The following MIDEAS variants were observed in gnomAD, a reference collection of about 807,000 sequenced individuals.
MIDEAS encodes mitotic deacetylase associated SANT domain protein, also known as mitotic deacetylase-associated SANT domain protein.
In MIDEAS, 26 loss-of-function variants were observed where a neutral mutation model predicts 102.7. The ratio of observed to expected loss-of-function variants is 0.25; its 90% confidence interval spans 0.19 to 0.35. MIDEAS has a LOEUF of 0.35. Ranked by LOEUF, MIDEAS falls within the 10% of genes least tolerant of loss-of-function variation. The pLI is 1.00. For synonymous variants in MIDEAS, 585 were observed against 591.0 expected (o/e 0.99, Z 0.15); for missense variants, 1,231 against 1,435.6 (o/e 0.86, Z 2.30).
chr14:73,788,229 T>C (rs2053837109), upstream of MIDEAS, among the ~76,000 whole-genome samples: 1 of 152,096 alleles, frequency 6.6e-6, no homozygotes, highest in Non-Finnish European at 1.5e-5. Context: ...CATTGTAGCT[T>C]GTCGTGGAAA....
intron 1 of MIDEAS, among the ~76,000 whole-genome samples, chr14:73,754,582 T>C (rs558643803): frequency 1.3e-5 from 2 of 152,128 alleles, no homozygotes; most frequent in African/African-American, 4.8e-5. Flanking sequence ...ACCTCAAGCA[T>C]CTCACCACCT....
chr14:73,751,019 CATT>C (rs1423472224), intron 1 of MIDEAS, among the ~76,000 whole-genome samples: 1 of 152,198 alleles, frequency 6.6e-6, no homozygotes, highest in Admixed American at 6.5e-5. Context: ...TAGATATTAT[CATT>C]ATTATTTTTG....
intron 1 of MIDEAS, among the ~76,000 whole-genome samples, chr14:73,780,434 C>T (rs2053744602): frequency 6.6e-6 from 1 of 152,248 alleles, no homozygotes; most frequent in Non-Finnish European, 1.5e-5. Context: ...ATAGCCGTAA[C>T]AGTAGTGACC....
At chr14:73,788,720 T>C (rs2053841678), upstream of MIDEAS, among the ~76,000 whole-genome samples, 1 of 152,204 alleles carries the variant, frequency 6.6e-6, no homozygotes, top group Non-Finnish European at 1.5e-5. Context: ...ATCACGCTAT[T>C]GTGGGGAGAT....
intron 1 of MIDEAS, among the ~76,000 whole-genome samples, chr14:73,746,541 G>A (rs1452368151): frequency 6.6e-6 from 1 of 152,168 alleles, no homozygotes; most frequent in Admixed American, 6.5e-5. Context: ...GACCGCTGGG[G>A]TCCTTGCTCT....
In MIDEAS at chr14:73,727,496, G is replaced by A. The variant is rs780725530; in HGVS notation, c.2124C>T (p.Leu708=). The A allele has an allele frequency of 1.2e-6, 2 of 1,613,686 alleles. No homozygotes were observed. The highest frequency in any genetic ancestry group is 2.2e-5 in the East Asian group (1 of 44,870). Residue 708 remains leucine, a synonymous_variant, in exon 5 of 13, where the codon CTC becomes CTT. Coordinates refer to ENST00000423556, the MANE Select transcript of MIDEAS (RefSeq NM_001367710.1). ...CTGGGGTGGCCTCCCCCATCACAGAGAGGACAGGCGGGGTTACTTCAGCAC... is the reference window on the plus strand; with the variant it reads ...CTGGGGTGGCCTCCCCCATCACAGAAAGGACAGGCGGGGTTACTTCAGCAC... The part of the protein sequence containing the change: ...TNSAEVTPPV[L]SVMGEATPVS...
Position 73,738,543 on chromosome 14 carries a change from C to G in MIDEAS, c.1449+17G>C, listed in dbSNP as rs754765976. The G allele has an allele frequency of 2.6e-6, 4 of 1,523,868 alleles. No homozygotes were observed. In the Admixed American group the frequency reaches 6.0e-5, roughly 23 times the overall value. 94.4% of individuals were successfully genotyped at this position (1,523,868 alleles called of 1,614,324 possible). A position where few individuals can be genotyped will look rare whatever the true frequency, so the allele number is the denominator to read the frequency against. On this transcript the variant is annotated intron_variant, in intron 2 of 12. Coordinates refer to ENST00000423556, the MANE Select transcript of MIDEAS (RefSeq NM_001367710.1). ...ATGCCCTCTGCCAGGTGTGGCTCCA[C>G]TGCATGCCACTCTCACCTTTGCATT...
upstream of MIDEAS, among the ~76,000 whole-genome samples, chr14:73,764,358 A>C (rs56087073): frequency 3.0e-5 from 4 of 133,220 alleles, no homozygotes; most frequent in African/African-American, 5.7e-5. Flanking sequence ...AAAAAAAAAA[A>C]AAAAACAAAA....
At chr14:73,768,408 A>C (rs2053609960) in intron 1 of MIDEAS, among the ~76,000 whole-genome samples, 1 of 152,128 alleles carries the variant, frequency 6.6e-6, no homozygotes, top group Non-Finnish European at 1.5e-5. Flanking sequence ...AAGTTTAATA[A>C]AATGAGGGAT....
At chr14:73,782,630 G>A (rs2053767441) in intron 1 of MIDEAS, among the ~76,000 whole-genome samples, 1 of 152,164 alleles carries the variant, frequency 6.6e-6, no homozygotes, top group South Asian at 2.1e-4. Context: ...GCACCTGGCT[G>A]TCTTCACAAG....
intron 1 of MIDEAS, among the ~76,000 whole-genome samples, chr14:73,775,976 A>C (rs1485852230): frequency 6.6e-6 from 1 of 151,942 alleles, no homozygotes; most frequent in African/African-American, 2.4e-5. Context: ...AACTGGAGAG[A>C]TCACCTGGGC....
At chr14:73,774,021 C>CAAA (rs11322935) in intron 1 of MIDEAS, among the ~76,000 whole-genome samples, 2 of 113,038 alleles carry the variant, frequency 1.8e-5, no homozygotes, top group Non-Finnish European at 1.8e-5. Context: ...GACTGAATCT[C>CAAA]AAAAAAAAAA....
At chr14:73,782,191 C>T (rs538106682) in intron 1 of MIDEAS, among the ~76,000 whole-genome samples, 23 of 152,288 alleles carry the variant, frequency 1.5e-4, no homozygotes, top group African/African-American at 5.5e-4. Flanking sequence ...AGCATGAGGA[C>T]TGGCTAAAGG....
At chr14:73,764,375 A>C (rs1332414399), upstream of MIDEAS, among the ~76,000 whole-genome samples, 1 of 150,426 alleles carries the variant, frequency 6.6e-6, no homozygotes, top group Non-Finnish European at 1.5e-5. Context: ...AAAACAAAAC[A>C]AAAAAAAACC....
intron 4 of MIDEAS, chr14:73,728,748 C>G (rs35443530): frequency 1.3e-5 from 2 of 152,390 alleles, no homozygotes; most frequent in South Asian, 4.1e-4. Context: ...GCCTTACGCC[C>G]GAGTGTTCGG....
chr14:73,718,881 C>CCTG lies in MIDEAS; in HGVS notation c.3259_3261dup (p.Gln1087dup). On this transcript the variant is annotated inframe_insertion, in exon 13 of 13. Transcript: ENST00000423556. Reference sequence around the variant, plus strand: ...CCCGCACCGCTCTCCTCCCGCAGGGCCTGCTGGTGGGCGGCGGCGGCGGCA... The same window carrying CCTG: ...CCCGCACCGCTCTCCTCCCGCAGGGCCTGCTGCTGGTGGGCGGCGGCGGCGGCA... 1 of 1,516,422 alleles carries CCTG rather than the reference C, an allele frequency of 6.6e-7. No homozygotes were observed. The highest frequency in any genetic ancestry group is 1.4e-5 in the African/African-American group (1 of 71,844). The allele number at this position is 1,516,422 out of a possible 1,614,324, so 93.9% of individuals were successfully genotyped here.
upstream of MIDEAS, among the ~76,000 whole-genome samples, chr14:73,789,400 C>T (rs1428905582): frequency 6.6e-6 from 1 of 152,096 alleles, no homozygotes; most frequent in African/African-American, 2.4e-5. Context: ...CCTCTCCTTC[C>T]CCCCATGTTA....
At chr14:73,772,794 AGT>A (rs61402555) in intron 1 of MIDEAS, among the ~76,000 whole-genome samples, 3,206 of 135,660 alleles carry the variant, frequency 0.024, 33 homozygotes, top group Middle Eastern at 0.04. Context: ...TTCAAGTTCT[AGT>A]GTGTGTGTGT....
In MIDEAS at chr14:73,725,544, A is replaced by T. The variant is rs11627457; in HGVS notation, c.2486-184T>A. On this transcript the variant is annotated intron_variant, in intron 8 of 12. Coordinates refer to ENST00000423556, the MANE Select transcript of MIDEAS (RefSeq NM_001367710.1). This position sits in a 1 kb window ranked among gnomAD's most constrained non-coding sequence, Gnocchi z 4.1. ...TCCCTTGCTTGTGAAATGGAAACTA[A>T]TATCACCTAGCTCACCAGCTGTGGT... is the stretch of plus-strand genomic sequence containing the variant. Among the ~76,000 whole-genome samples the T allele has an allele frequency of 0.2, 30,448 of 152,222 alleles. 4,012 individuals are homozygous for T. The highest frequency in any genetic ancestry group is 0.3 in the Non-Finnish European group (20,235 of 67,996).
Sources: allele counts gnomAD v4.1 joint callset (sites outside exome capture counted in the v4.1 genomes callset), GRCh38; gene constraint gnomAD v4.1.1; non-coding constraint Gnocchi (gnomAD v3.1); transcripts MANE v1.5; gene names NCBI Gene and HGNC (gene_info 2026-07-23, HGNC 2026-07-21).